The following GPAT4 variants were observed in gnomAD, a reference collection of about 807,000 sequenced individuals.
The protein encoded by GPAT4 is 1-AGP acyltransferase 6.
In GPAT4, 17 loss-of-function variants were observed where a neutral mutation model predicts 58.0. The observed-to-expected ratio is 0.29, with a 90% CI of 0.20 to 0.44. The LOEUF is 0.44. Among genes scored for constraint, GPAT4 ranks in the 20% least tolerant of loss-of-function variants. The probability of loss-of-function intolerance (pLI) is 1.00; values close to 1 mark genes in which losing one functional copy is unlikely to be tolerated. For synonymous variants in GPAT4, 204 were observed against 210.1 expected (o/e 0.97, Z 0.25); for missense variants, 377 against 574.5 (o/e 0.66, Z 3.51).
In GPAT4 at chr8:41,598,524, G is replaced by C. The variant is rs1418174326; in HGVS notation, c.-616G>C. 1 of 152,240 alleles carries C rather than the reference G, an allele frequency of 6.6e-6. No homozygotes were observed. Among genetic ancestry groups the C allele is most frequent in the Non-Finnish European group, 1.5e-5 (1 of 68,056 alleles). The allele number at this position is 152,240 out of a possible 1,614,324, so 9.4% of individuals were successfully genotyped here. A position where few individuals can be genotyped will look rare whatever the true frequency, so the allele number is the denominator to read the frequency against. On this transcript the variant is annotated 5_prime_UTR_variant, in exon 2 of 13. Transcript: ENST00000396987. Reference sequence around the variant, plus strand: ...GAGCACCAGGAGCCTTGCCAGAGGAGGATGGGGCCAGATATGAACTCTCTA... The same window carrying C: ...GAGCACCAGGAGCCTTGCCAGAGGACGATGGGGCCAGATATGAACTCTCTA...
chr8:41,612,077 T>G, intron 6 of GPAT4, 85 bp downstream of exon 6: 3 of 1,588,488 alleles, frequency 1.9e-6, no homozygotes, highest in Non-Finnish European at 2.6e-6. Flanking sequence ...GGAAGACACT[T>G]CTGAGCTTTT....
At chr8:41,590,806 G>A (rs1802770187) in intron 1 of GPAT4, among the ~76,000 whole-genome samples, 1 of 152,182 alleles carries the variant, frequency 6.6e-6, no homozygotes, top group African/African-American at 2.4e-5. Context: ...GAATGTCATG[G>A]AGCCGTACAG....
Position 41,621,116 on chromosome 8 carries a change from G to T in GPAT4, c.*115G>T, listed in dbSNP as rs1803737058. ...TCCAGACTCCAGGGCTCCCCGGGCT[G>T]CTCTGGATCCCAGGACTCCGGCTTT... On this transcript the variant is annotated 3_prime_UTR_variant, in exon 13 of 13. Coordinates refer to ENST00000396987, the MANE Select transcript of GPAT4 (RefSeq NM_178819.4). The T allele has an allele frequency of 7.1e-7, 1 of 1,414,004 alleles. No individual in the cohort carries two copies. Among genetic ancestry groups the T allele is most frequent in the Non-Finnish European group, 9.5e-7 (1 of 1,053,700 alleles). 87.6% of individuals were successfully genotyped at this position (1,414,004 alleles called of 1,614,324 possible).
intron 1 of GPAT4, among the ~76,000 whole-genome samples, chr8:41,585,944 T>A (rs1247809762): frequency 1.3e-5 from 2 of 152,240 alleles, no homozygotes; most frequent in African/African-American, 4.8e-5. Flanking sequence ...AACAACTTAA[T>A]CTTAGATTCT....
At chr8:41,589,885 A>T (rs1421122136) in intron 1 of GPAT4, among the ~76,000 whole-genome samples, 1 of 152,136 alleles carries the variant, frequency 6.6e-6, no homozygotes, top group Non-Finnish European at 1.5e-5. Flanking sequence ...GGGAGTGGAG[A>T]GACAGCAATG....
chr8:41,612,737 A>G (rs1218243785), intron 7 of GPAT4, 108 bp from the exon 8 acceptor site: 4 of 935,244 alleles, frequency 4.3e-6, no homozygotes, highest in Non-Finnish European at 4.8e-6. Flanking sequence ...GGCAAGCGTT[A>G]GAAGTGAGAA....
At chr8:41,592,132 A>G (rs1458918297) in intron 1 of GPAT4, among the ~76,000 whole-genome samples, 1 of 152,122 alleles carries the variant, frequency 6.6e-6, no homozygotes, top group Admixed American at 6.5e-5. Context: ...TTTTTGCAGG[A>G]AGCATAGACA....
At chr8:41,618,861 GC>G in intron 11 of GPAT4, 36 bp from the exon 12 acceptor site, 1 of 1,614,256 alleles carries the variant, frequency 6.2e-7, no homozygotes, top group Non-Finnish European at 8.5e-7. Context: ...GTAACGTCAA[GC>G]CGGGGCTGAG....
chr8:41,609,508 G>T lies in GPAT4; in HGVS notation c.235+23G>T, dbSNP rs774723659. On this transcript the variant is annotated intron_variant, in intron 3 of 12. Coordinates refer to ENST00000396987, the MANE Select transcript of GPAT4 (RefSeq NM_178819.4). ...ACGGTAAGATGGGGGTGTGATCCTT[G>T]TCCTGAGAGGTCCATTTGAACAGTG... The T allele has an allele frequency of 6.2e-6, 10 of 1,612,488 alleles. No individual in the cohort carries two copies. The South Asian group carries it at 1.1e-4, about 18-fold the overall frequency.
chr8:41,586,831 C>G (rs1019380924), intron 1 of GPAT4, among the ~76,000 whole-genome samples: 1 of 152,222 alleles, frequency 6.6e-6, no homozygotes, highest in African/African-American at 2.4e-5. Context: ...TCTCAGTTAA[C>G]TGGTAAGAAC....
chr8:41,585,917 G>A (rs13263910), intron 1 of GPAT4, among the ~76,000 whole-genome samples: 85,197 of 152,104 alleles, frequency 0.56, 24,547 homozygotes, highest in Middle Eastern at 0.71. Flanking sequence ...GTCTCCCTAT[G>A]CAGCCTATTC....
intron 1 of GPAT4, among the ~76,000 whole-genome samples, chr8:41,582,444 TACACACAC>T (rs71548104): frequency 1.4e-5 from 2 of 141,612 alleles, no homozygotes; most frequent in African/African-American, 2.6e-5. Flanking sequence ...TGGGAAAGTA[TACACACAC>T]ACACACACAC....
At position 41,609,655 on chromosome 8, in the gene GPAT4, G is replaced by C. The variant is rs1276884119; in HGVS notation, c.236G>C (p.Gly79Ala). ...TTGACAGGGACACATTCTTTTGCAG[G>C]AATCATTGCAAAGGATCCCACTTCA... ...NHQLYKPYTNGIIAKDPTSLE... is the reference protein window; with the variant it reads ...NHQLYKPYTNAIIAKDPTSLE... The change falls in exon 4 of 13, where the codon GGA becomes GCA. Residue 79 changes from glycine to alanine, a missense_variant and splice_region_variant. Physicochemically the swap from Gly to Ala is moderately conservative, Grantham distance 60 (BLOSUM62 0). Coordinates refer to ENST00000396987, the MANE Select transcript of GPAT4 (RefSeq NM_178819.4). The C allele has an allele frequency of 6.2e-7, 1 of 1,610,440 alleles. No homozygotes were observed. The highest frequency in any genetic ancestry group is 8.5e-7 in the Non-Finnish European group (1 of 1,177,498).
In GPAT4 at chr8:41,610,772, G is replaced by C. The variant is rs761655973; in HGVS notation, c.573G>C (p.Val191=). Residue 191 remains valine (V), a synonymous_variant, in exon 5 of 13, where the codon GTG becomes GTC. Transcript: ENST00000396987. Reference sequence around the variant, plus strand: ...CTTTCACAGGGATTAGCCTTCTGGTGGTGGGCACAACTGTGGTGGGATACT... The same window carrying C: ...CTTTCACAGGGATTAGCCTTCTGGTCGTGGGCACAACTGTGGTGGGATACT... ...ALAFTGISLL[V]VGTTVVGYLP... The C allele has an allele frequency of 1.2e-6, 2 of 1,612,324 alleles. No individual in the cohort carries two copies. The highest frequency in any genetic ancestry group is 2.2e-5 in the South Asian group (2 of 90,768).
chr8:41,583,722 G>A (rs1226697964), intron 1 of GPAT4, among the ~76,000 whole-genome samples: 1 of 152,180 alleles, frequency 6.6e-6, no homozygotes, highest in Non-Finnish European at 1.5e-5. Context: ...ACATAAAGAT[G>A]AAGGAATGTT....
rs1803670461 is a variant in GPAT4 at position 41,618,815 on chromosome 8, G to A, written c.1182+3G>A. 1.2e-6 allele frequency: 2 copies of A among 1,614,246 alleles called. No individual in the cohort carries two copies. The highest frequency in any genetic ancestry group is 1.7e-6 in the Non-Finnish European group (2 of 1,180,042). ...ACCTGCCTCCCATGACTAGAGAGGT[G>A]AGTGCCTGCCCCAGGCAGGTCTGCG... is the stretch of plus-strand genomic sequence containing the variant. On this transcript the variant is annotated splice_donor_region_variant and intron_variant, in intron 11 of 12. Coordinates refer to ENST00000396987, the MANE Select transcript of GPAT4 (RefSeq NM_178819.4).
At chr8:41,581,514 T>C (rs1172017149) in intron 1 of GPAT4, among the ~76,000 whole-genome samples, 1 of 151,968 alleles carries the variant, frequency 6.6e-6, no homozygotes, top group Non-Finnish European at 1.5e-5. Flanking sequence ...TGCAGTGGCA[T>C]GATCAAGGCT....
At chr8:41,601,323 T>C (rs897083478) in intron 2 of GPAT4, among the ~76,000 whole-genome samples, 2 of 152,184 alleles carry the variant, frequency 1.3e-5, no homozygotes, top group Non-Finnish European at 2.9e-5. Context: ...GGAGTAGTGA[T>C]CTAGTCAGTC....
chr8:41,611,882 A>G (rs773788895), intron 5 of GPAT4, 21 bp from the exon 6 acceptor site: 11 of 1,611,082 alleles, frequency 6.8e-6, no homozygotes, highest in Middle Eastern at 1.7e-4. Flanking sequence ...AAAACCCAGA[A>G]TCCTTGTCCT....
Sources: gnomAD v4.1 joint callset for allele counts (sites outside exome capture counted in the v4.1 genomes callset) on GRCh38, gnomAD v4.1.1 for gene constraint, MANE v1.5 for transcripts, NCBI Gene and HGNC (gene_info 2026-07-23, HGNC 2026-07-21) for gene names.